The following NCAPG variants were observed in gnomAD, a reference collection of about 807,000 sequenced individuals.
The protein encoded by NCAPG is condensin complex subunit 3.
Under a neutral mutation model 113.1 loss-of-function variants are expected in NCAPG, and 69 were observed. The observed-to-expected ratio is 0.61, with a 90% confidence interval of 0.50 to 0.75. NCAPG has a LOEUF of 0.75. NCAPG is among the 30% of genes least tolerant of loss of function. NCAPG has a pLI of 0.00. For synonymous variants in NCAPG, 370 were observed against 415.8 expected, an observed-to-expected ratio of 0.89 and a Z score of 1.34; for missense variants, 1,058 against 1,177.0, an observed-to-expected ratio of 0.90 and a Z score of 1.48.
At position 17,843,547 on chromosome 4, in the gene NCAPG, G is replaced by A. The variant is rs1577221359; in HGVS notation, c.*122G>A. 9 of 1,103,220 alleles carry A rather than the reference G, an allele frequency of 8.2e-6. No homozygotes were observed. Among genetic ancestry groups the A allele is most frequent in the South Asian group, 6.2e-5 (4 of 64,914 alleles). 68.3% of individuals were successfully genotyped at this position (1,103,220 alleles called of 1,614,324 possible). The stretch of plus-strand genomic sequence containing the variant: ...TCTTTCTGAAGATTTTCTGCTGTGC[G>A]CTTCCACGTTACTTTGGCCTGTATT... On this transcript the variant is annotated 3_prime_UTR_variant, in exon 21 of 21. Coordinates refer to ENST00000251496, the MANE Select transcript of NCAPG (RefSeq NM_022346.5).
In NCAPG at chr4:17,811,560, CG is replaced by C. The variant is rs1720950172; in HGVS notation, c.111+377del. Among the ~76,000 whole-genome samples the C allele has an allele frequency of 6.6e-6, 1 of 152,072 alleles. No individual in the cohort carries two copies. Among genetic ancestry groups the C allele is most frequent in the South Asian group, 2.1e-4 (1 of 4,826 alleles). The stretch of plus-strand genomic sequence containing the variant: ...TGAACCGCAGAGTGGATCCTGAATG[CG>C]GGGGTTCAGTGGTCGTTGCCCCTGG... On this transcript the variant is annotated intron_variant, in intron 1 of 20. Transcript: ENST00000251496. This position sits in a 1 kb window ranked among gnomAD's most constrained non-coding sequence, Gnocchi z 5.3.
chr4:17,832,459 T>A (rs892790053), intron 13 of NCAPG, among the ~76,000 whole-genome samples: 1 of 152,144 alleles, frequency 6.6e-6, no homozygotes, highest in African/African-American at 2.4e-5. Context: ...ATGGATGAAT[T>A]TGCGTTTTCC....
chr4:17,836,271 ATGTC>A (rs991921865), intron 14 of NCAPG, among the ~76,000 whole-genome samples: 1 of 151,906 alleles, frequency 6.6e-6, no homozygotes, highest in Non-Finnish European at 1.5e-5. Flanking sequence ...GTTTGGATAA[ATGTC>A]TGTTCAAGTC....
intron 20 of NCAPG, 74 bp from the exon 21 acceptor site, chr4:17,843,227 CA>C (rs1053290855): frequency 9.3e-6 from 14 of 1,499,116 alleles, no homozygotes; most frequent in Non-Finnish European, 1.3e-5. Context: ...GAGTCAGAAA[CA>C]AAAAAGTTTT....
intron 7 of NCAPG, among the ~76,000 whole-genome samples, chr4:17,822,190 C>CTTTT (rs1159844034): frequency 8.1e-5 from 9 of 111,748 alleles, no homozygotes; most frequent in Non-Finnish European, 1.1e-4. Context: ...AAGATTAAAT[C>CTTTT]TTTTTTTTTT....
intron 15 of NCAPG, 76 bp from the exon 16 acceptor site, chr4:17,837,551 A>G: frequency 1.4e-6 from 2 of 1,467,306 alleles, no homozygotes; most frequent in South Asian, 2.6e-5. Flanking sequence ...TTTCCTACAT[A>G]GTAGTTTTGA....
intron 20 of NCAPG, 39 bp downstream of exon 20, chr4:17,842,418 T>C (rs746171228): frequency 1.3e-6 from 2 of 1,515,424 alleles, no homozygotes; most frequent in African/African-American, 1.4e-5. Flanking sequence ...AGGCCTATCT[T>C]CACTTTTTAT....
chr4:17,817,117 A>C (rs1721241011), intron 5 of NCAPG, 144 bp from the exon 6 acceptor site: 2 of 575,302 alleles, frequency 3.5e-6, no homozygotes, highest in African/African-American at 4.0e-5. Context: ...GTCTCAAAAA[A>C]TATATATATA....
intron 7 of NCAPG, among the ~76,000 whole-genome samples, chr4:17,820,211 C>G (rs1283753454): frequency 6.6e-6 from 1 of 152,158 alleles, no homozygotes; most frequent in Non-Finnish European, 1.5e-5. Context: ...TGATTCCTCC[C>G]TTCTGAAAGG....
chr4:17,832,901 T>C (rs768533379), intron 13 of NCAPG, among the ~76,000 whole-genome samples: 1 of 152,204 alleles, frequency 6.6e-6, no homozygotes, highest in Non-Finnish European at 1.5e-5. Flanking sequence ...TGCTTCATAA[T>C]GGACCATTCT....
intron 5 of NCAPG, among the ~76,000 whole-genome samples, chr4:17,816,675 C>A (rs1721225590): frequency 6.6e-6 from 1 of 152,142 alleles, no homozygotes; most frequent in South Asian, 2.1e-4. Context: ...ATAGCTATTA[C>A]ATATTCTGGG....
chr4:17,835,806 TC>T (rs1381198483), intron 14 of NCAPG, among the ~76,000 whole-genome samples: 1 of 152,224 alleles, frequency 6.6e-6, no homozygotes, highest in Non-Finnish European at 1.5e-5. Flanking sequence ...AGTACTCCGT[TC>T]CTTTTTGTAG....
intron 7 of NCAPG, among the ~76,000 whole-genome samples, chr4:17,820,436 C>T (rs1450350964): frequency 6.6e-6 from 1 of 151,864 alleles, no homozygotes; most frequent in African/African-American, 2.4e-5. Context: ...CCCGTCTCTA[C>T]TAAAAATACA....
intron 1 of NCAPG, 36 bp from the exon 2 acceptor site, chr4:17,812,185 C>T (rs1352225888): frequency 5.9e-6 from 9 of 1,518,730 alleles, no homozygotes; most frequent in East Asian, 2.3e-5. Flanking sequence ...GGATTTTTAT[C>T]GGTGCAGTTT....
intron 14 of NCAPG, among the ~76,000 whole-genome samples, chr4:17,836,408 T>A (rs1722093698): frequency 6.6e-6 from 1 of 152,162 alleles, no homozygotes; most frequent in Admixed American, 6.5e-5. Flanking sequence ...TACTTTCTTG[T>A]TAATATACTT....
intron 1 of NCAPG, 21 bp from the exon 2 acceptor site, chr4:17,812,200 A>G: frequency 6.3e-7 from 1 of 1,596,714 alleles, no homozygotes; most frequent in Non-Finnish European, 8.6e-7. Flanking sequence ...CAGTTTATGA[A>G]GGGTTTCTTT....
At chr4:17,816,506 T>C (rs1721218282) in intron 5 of NCAPG, among the ~76,000 whole-genome samples, 1 of 152,190 alleles carries the variant, frequency 6.6e-6, no homozygotes, top group East Asian at 1.9e-4. Context: ...TGCGCTGTAG[T>C]GAGAAAACCG....
chr4:17,833,162 G>T (rs570833817), intron 13 of NCAPG, among the ~76,000 whole-genome samples: 1 of 152,120 alleles, frequency 6.6e-6, no homozygotes, highest in African/African-American at 2.4e-5. Context: ...ATGAGATCAG[G>T]AGTTTGAGAC....
In NCAPG at chr4:17,843,530, A is replaced by C. The variant is rs1722634650; in HGVS notation, c.*105A>C. 2 of 1,327,818 alleles carry C rather than the reference A, an allele frequency of 1.5e-6. No homozygotes were observed. Among genetic ancestry groups the C allele is most frequent in the Non-Finnish European group, 2.1e-6 (2 of 957,494 alleles). The allele number at this position is 1,327,818 out of a possible 1,614,324, so 82.3% of individuals were successfully genotyped here. ...TCAGAACAAACCTGATGTCTTTCTGAAGATTTTCTGCTGTGCGCTTCCACG... is the reference window on the plus strand; with the variant it reads ...TCAGAACAAACCTGATGTCTTTCTGCAGATTTTCTGCTGTGCGCTTCCACG... On this transcript the variant is annotated 3_prime_UTR_variant, in exon 21 of 21. Transcript: ENST00000251496.
Sources: allele counts gnomAD v4.1 joint callset (sites outside exome capture counted in the v4.1 genomes callset), GRCh38; gene constraint gnomAD v4.1.1; non-coding constraint Gnocchi (gnomAD v3.1); transcripts MANE v1.5; gene names NCBI Gene and HGNC (gene_info 2026-07-23, HGNC 2026-07-21).